The following EMP2 variants were observed in gnomAD, a reference collection of about 807,000 sequenced individuals.
EMP2 encodes epithelial membrane protein 2.
EMP2 carries 19 observed loss-of-function variants against 13.7 expected under a neutral mutation model. The observed-to-expected ratio is 1.38, with a 90% CI of 0.97 to 2.03. The LOEUF (loss-of-function observed/expected upper bound fraction) is 2.03. Among genes scored for constraint, EMP2 ranks in the 30% most tolerant of loss-of-function variants. The probability of loss-of-function intolerance (pLI) is 0.00; values close to 1 mark genes in which losing one functional copy is unlikely to be tolerated. For missense variants in EMP2, 253 were observed against 220.7 expected (o/e 1.15, Z -0.93); for synonymous variants, 97 against 84.7 (o/e 1.15, Z -0.80).
intron 3 of EMP2, among the ~76,000 whole-genome samples, chr16:10,539,465 G>A (rs1175233081): frequency 6.6e-6 from 1 of 152,110 alleles, no homozygotes; most frequent in East Asian, 1.9e-4. Flanking sequence ...CACACCACAT[G>A]ACCCCATTCC....
rs562241873 is a variant in EMP2, at chr16:10,538,012, C to T, written c.232G>A (p.Ala78Thr). The T allele has an allele frequency of 2.4e-5, 38 of 1,614,100 alleles. No individual in the cohort carries two copies. In the Admixed American group the frequency reaches 4.5e-4, roughly 19 times the overall value. Reference protein sequence around the residue: ...MILSTILCCIAFFIFVLQLFR... With the variant: ...MILSTILCCITFFIFVLQLFR... ...AGCTGGAGCACGAAGATGAAGAAGG[C>T]GATGCAGCAGAGAATGGTGGAGAGG... The change falls in exon 4 of 5, where the codon GCC becomes ACC. Residue 78 changes from alanine to threonine, a missense_variant. By Grantham distance (58) the Ala-to-Thr change is moderately conservative (BLOSUM62 0). Transcript: ENST00000359543.
intron 1 of EMP2, among the ~76,000 whole-genome samples, chr16:10,577,366 G>T (rs75845546): frequency 2.0e-5 from 3 of 152,108 alleles, no homozygotes; most frequent in African/African-American, 7.2e-5. Context: ...TTACCAGCCC[G>T]GCACTCTCTC....
chr16:10,567,113 TC>T (rs532771789), intron 1 of EMP2, among the ~76,000 whole-genome samples: 278 of 151,206 alleles, frequency 1.8e-3, no homozygotes, highest in African/African-American at 6.7e-3. Flanking sequence ...CTAAACATTA[TC>T]TGCCATTTTC....
chr16:10,574,475 C>T (rs1271067752), intron 1 of EMP2, among the ~76,000 whole-genome samples: 1 of 152,160 alleles, frequency 6.6e-6, no homozygotes, highest in African/African-American at 2.4e-5. Flanking sequence ...TCCCTTCATA[C>T]ACTCAGCACT....
At chr16:10,567,932 G>A (rs573912561) in intron 1 of EMP2, among the ~76,000 whole-genome samples, 1 of 152,364 alleles carries the variant, frequency 6.6e-6, no homozygotes, top group African/African-American at 2.4e-5. Flanking sequence ...GAGGGGTAGC[G>A]AGGTTAGGTA....
At chr16:10,569,366 T>C (rs2050931351) in intron 1 of EMP2, among the ~76,000 whole-genome samples, 1 of 152,242 alleles carries the variant, frequency 6.6e-6, no homozygotes, top group South Asian at 2.1e-4. Flanking sequence ...AGGGTCTCGC[T>C]CTGCTGCCCA....
Position 10,528,712 on chromosome 16 carries a change from T to C in EMP2, c.*4193A>G, listed in dbSNP as rs1033120925. On this transcript the variant is annotated 3_prime_UTR_variant, in exon 5 of 5. Coordinates refer to ENST00000359543, the MANE Select transcript of EMP2 (RefSeq NM_001424.6). ...CAAACCAAGATTCAAAATGAACCTCTAGGCCTTGCCCTAACATTTCCCCAA... is the reference window on the plus strand; with the variant it reads ...CAAACCAAGATTCAAAATGAACCTCCAGGCCTTGCCCTAACATTTCCCCAA... 1 of 152,216 alleles carries C rather than the reference T, an allele frequency of 6.6e-6. No individual in the cohort carries two copies. The highest frequency in any genetic ancestry group is 1.9e-4 in the East Asian group (1 of 5,204). The allele number at this position is 152,216 out of a possible 1,614,324, so 9.4% of individuals were successfully genotyped here.
intron 1 of EMP2, among the ~76,000 whole-genome samples, chr16:10,564,549 G>C (rs191718107): frequency 6.6e-6 from 1 of 151,002 alleles, no homozygotes; most frequent in African/African-American, 2.4e-5. Flanking sequence ...CTAGTTTGGT[G>C]GTCTGATATG....
At position 10,559,069 on chromosome 16, in the gene EMP2, C is replaced by T. The variant is rs145127593; in HGVS notation, c.-60-11392G>A. ...GTTCCACCCACAGCTCCCGCTCCAA[C>T]GGCCAGGGAGGCTCTGGCCCAGAAC... is the stretch of plus-strand genomic sequence containing the variant. On this transcript the variant is annotated intron_variant, in intron 1 of 4. Transcript: ENST00000359543. The T allele has an allele frequency of 4.3e-3, 655 of 152,486 alleles. 4 individuals carry two copies. Among genetic ancestry groups the T allele is most frequent in the Non-Finnish European group, 4.9e-3 (336 of 68,172 alleles). 9.4% of individuals were successfully genotyped at this position (152,486 alleles called of 1,614,324 possible). A position where few individuals can be genotyped will look rare whatever the true frequency, so the allele number is the denominator to read the frequency against.
chr16:10,576,086 G>A (rs2050982597), intron 1 of EMP2, among the ~76,000 whole-genome samples: 1 of 152,058 alleles, frequency 6.6e-6, no homozygotes, highest in South Asian at 2.1e-4. Context: ...ATCTTAAAAT[G>A]TTTTAAAGTT....
chr16:10,555,013 A>G (rs149690910), intron 1 of EMP2, among the ~76,000 whole-genome samples: 50 of 152,166 alleles, frequency 3.3e-4, no homozygotes, highest in African/African-American at 1.0e-3. Context: ...TCTGACAGCT[A>G]TTTGCTATCA....
chr16:10,574,967 C>G (rs1229387212), intron 1 of EMP2, among the ~76,000 whole-genome samples: 2 of 151,696 alleles, frequency 1.3e-5, no homozygotes, highest in African/African-American at 4.8e-5. Flanking sequence ...GAAGTGGCAG[C>G]CTCGAAGCCC....
intron 1 of EMP2, among the ~76,000 whole-genome samples, chr16:10,549,949 G>A (rs566619284): frequency 4.0e-4 from 55 of 138,550 alleles, no homozygotes; most frequent in African/African-American, 1.4e-3. Context: ...ACAGTGGTGC[G>A]ATCTCAGCCC....
At chr16:10,576,903 C>G (rs904618429) in intron 1 of EMP2, 1 of 152,358 alleles carries the variant, frequency 6.6e-6, no homozygotes, top group African/African-American at 2.4e-5. Flanking sequence ...CAGGGTTCAA[C>G]AGCTTTGCCC....
At chr16:10,540,900 C>G (rs1418603652) in intron 3 of EMP2, among the ~76,000 whole-genome samples, 1 of 151,998 alleles carries the variant, frequency 6.6e-6, no homozygotes, top group Non-Finnish European at 1.5e-5. Flanking sequence ...CCAGCATGGG[C>G]AACATGGTAA....
At chr16:10,548,307 TC>T (rs2050755663) in intron 1 of EMP2, among the ~76,000 whole-genome samples, 1 of 152,196 alleles carries the variant, frequency 6.6e-6, no homozygotes, top group Admixed American at 6.5e-5. Context: ...AAGCTCATTT[TC>T]TGACGATTCC....
chr16:10,574,642 T>C (rs1045148289), intron 1 of EMP2, among the ~76,000 whole-genome samples: 2 of 151,988 alleles, frequency 1.3e-5, no homozygotes, highest in Admixed American at 6.5e-5. Flanking sequence ...CACTGCAAGC[T>C]CTGGGTTCAC....
At chr16:10,538,966 T>A (rs574138921) in intron 3 of EMP2, among the ~76,000 whole-genome samples, 2 of 152,068 alleles carry the variant, frequency 1.3e-5, no homozygotes, top group Admixed American at 1.3e-4. Flanking sequence ...CAGGCATGTC[T>A]GGCTAATTTT....
chr16:10,553,537 C>G (rs896009687), intron 1 of EMP2, among the ~76,000 whole-genome samples: 1 of 152,228 alleles, frequency 6.6e-6, no homozygotes, highest in African/African-American at 2.4e-5. Flanking sequence ...AGTCAACTTT[C>G]TTTGGCTGGA....
Sources: gnomAD v4.1 joint callset for allele counts (sites outside exome capture counted in the v4.1 genomes callset) on GRCh38, gnomAD v4.1.1 for gene constraint, MANE v1.5 for transcripts, NCBI Gene and HGNC (gene_info 2026-07-23, HGNC 2026-07-21) for gene names.